The following DLGAP2 variants were observed in gnomAD, a reference collection of about 807,000 sequenced individuals.
DLGAP2 encodes the protein disks large-associated protein 2.
DLGAP2 carries 26 observed loss-of-function variants against 100.3 expected under a neutral mutation model. The ratio of observed to expected loss-of-function variants is 0.26; its 90% CI spans 0.19 to 0.36. The LOEUF (loss-of-function observed/expected upper bound fraction) is 0.36, where lower values mean the gene tolerates loss of function less well. DLGAP2 is among the 10% of genes least tolerant of loss of function. The probability of loss-of-function intolerance (pLI) is 1.00; values close to 1 mark genes in which losing one functional copy is unlikely to be tolerated. For synonymous variants in DLGAP2, 886 were observed against 630.1 expected, an observed-to-expected ratio of 1.41 and a Z score of -6.08; for missense variants, 1,858 against 1,453.2, an observed-to-expected ratio of 1.28 and a Z score of -4.53.
chr8:1,548,863 C>G lies in DLGAP2; in HGVS notation c.410C>G (p.Pro137Arg). The G allele has an allele frequency of 6.3e-7, 1 of 1,586,970 alleles. No individual in the cohort carries two copies. The highest frequency in any genetic ancestry group is 8.5e-7 in the Non-Finnish European group (1 of 1,171,590). Reference protein sequence around the residue: ...SCPGGRHRCSPRSSVHSECVM... With the variant: ...SCPGGRHRCSRRSSVHSECVM... Reference sequence around the variant, plus strand: ...CCCGGGGGGCGCCACCGCTGCTCGCCGCGCAGCTCGGTGCACTCGGAGTGC... The same window carrying G: ...CCCGGGGGGCGCCACCGCTGCTCGCGGCGCAGCTCGGTGCACTCGGAGTGC... The change falls in exon 5 of 15, where the codon CCG (proline) becomes CGG (arginine). Residue 137 changes from proline (P) to arginine (R), a missense_variant. By Grantham distance (103) the Pro-to-Arg change is moderately radical. Coordinates refer to ENST00000637795, the MANE Select transcript of DLGAP2 (RefSeq NM_001346810.2).
chr8:1,613,788 G>C (rs1343378948), intron 6 of DLGAP2, among the ~76,000 whole-genome samples: 1 of 152,116 alleles, frequency 6.6e-6, no homozygotes, highest in Non-Finnish European at 1.5e-5. Context: ...CTGAATTCAT[G>C]TCCACCCTGC....
intron 1 of DLGAP2, among the ~76,000 whole-genome samples, chr8:787,099 C>T (rs182784527): frequency 6.6e-6 from 1 of 152,166 alleles, no homozygotes; most frequent in African/African-American, 2.4e-5. Flanking sequence ...GGTAAACTGA[C>T]GATGCTTTAT....
At chr8:1,550,336 G>A (rs1189883426) in intron 5 of DLGAP2, among the ~76,000 whole-genome samples, 1 of 152,156 alleles carries the variant, frequency 6.6e-6, no homozygotes, top group African/African-American at 2.4e-5. Context: ...GTTATCTACG[G>A]GCAGCTCTCA....
intron 3 of DLGAP2, among the ~76,000 whole-genome samples, chr8:1,491,082 A>AAAAAAAAAC (rs1799368303): frequency 6.8e-6 from 1 of 147,214 alleles, no homozygotes; most frequent in South Asian, 2.1e-4. Flanking sequence ...GAAACCAAAA[A>AAAAAAAAAC]AAAAAAAAAA....
At chr8:1,410,336 G>T (rs1434724200) in intron 3 of DLGAP2, among the ~76,000 whole-genome samples, 1 of 152,146 alleles carries the variant, frequency 6.6e-6, no homozygotes, top group Non-Finnish European at 1.5e-5. Flanking sequence ...GCGGCACCGT[G>T]GCCCAGGCAG....
At chr8:1,209,990 C>T (rs1026935533) in intron 2 of DLGAP2, among the ~76,000 whole-genome samples, 12 of 152,228 alleles carry the variant, frequency 7.9e-5, no homozygotes, top group South Asian at 6.2e-4. Context: ...TTGCCAGTTT[C>T]ATAATCTCCA....
chr8:980,323 G>A (rs1447562562), intron 2 of DLGAP2, among the ~76,000 whole-genome samples: 1 of 152,230 alleles, frequency 6.6e-6, no homozygotes, highest in African/African-American at 2.4e-5. Context: ...ACCTGGGAAA[G>A]ACATGCTTTG....
intron 8 of DLGAP2, among the ~76,000 whole-genome samples, chr8:1,635,662 ATTACT>A (rs1229125450): frequency 2.0e-5 from 3 of 152,326 alleles, no homozygotes; most frequent in African/African-American, 7.2e-5. Context: ...ATTTAAACAC[ATTACT>A]TTATGCAGGC....
intron 2 of DLGAP2, among the ~76,000 whole-genome samples, chr8:1,191,238 C>T (rs574257984): frequency 3.6e-3 from 202 of 56,872 alleles, no homozygotes; most frequent in African/African-American, 9.0e-3. Context: ...GTGGCGCGAT[C>T]TCGGCTCACT....
intron 3 of DLGAP2, among the ~76,000 whole-genome samples, chr8:1,472,160 G>A (rs1320275127): frequency 6.6e-6 from 1 of 152,182 alleles, no homozygotes; most frequent in African/African-American, 2.4e-5. Flanking sequence ...GAGCTCAGAC[G>A]GGGCCGCACT....
At chr8:1,456,134 A>T (rs777930009) in intron 3 of DLGAP2, among the ~76,000 whole-genome samples, 1 of 152,128 alleles carries the variant, frequency 6.6e-6, no homozygotes, top group African/African-American at 2.4e-5. Flanking sequence ...TGAACTCAGG[A>T]GTGAGTTCAT....
intron 2 of DLGAP2, among the ~76,000 whole-genome samples, chr8:1,192,927 G>A (rs188760015): frequency 4.6e-5 from 7 of 151,912 alleles, no homozygotes; most frequent in Non-Finnish European, 1.0e-4. Flanking sequence ...GCGGTGTTTG[G>A]TTTTTTGTCC....
chr8:1,417,544 G>A (rs1796937407), intron 3 of DLGAP2, among the ~76,000 whole-genome samples: 2 of 152,182 alleles, frequency 1.3e-5, no homozygotes, highest in South Asian at 4.1e-4. Context: ...AATGCAATGG[G>A]GATCCGAAGC....
intron 3 of DLGAP2, among the ~76,000 whole-genome samples, chr8:1,469,435 GC>G (rs1798718104): frequency 6.6e-6 from 1 of 152,226 alleles, no homozygotes; most frequent in Non-Finnish European, 1.5e-5. Context: ...ACCAAGGGCA[GC>G]AAACTGCAGT....
chr8:1,227,629 G>A (rs1798449610), intron 2 of DLGAP2, among the ~76,000 whole-genome samples: 1 of 152,092 alleles, frequency 6.6e-6, no homozygotes, highest in Admixed American at 6.5e-5. Context: ...TGACAATGCG[G>A]ATGGACCTGG....
intron 4 of DLGAP2, among the ~76,000 whole-genome samples, chr8:1,548,341 C>G (rs71499011): frequency 2.0e-5 from 3 of 148,344 alleles, no homozygotes; most frequent in Admixed American, 2.0e-4. Flanking sequence ...CGCCTGTAGT[C>G]CCAGCTACTC....
At position 1,040,667 on chromosome 8, in the gene DLGAP2, T is replaced by C. The variant is rs1011750461; in HGVS notation, c.73+132701T>C. On this transcript the variant is annotated intron_variant, in intron 2 of 14. Transcript: ENST00000637795. ...CTCGGTGTGCGTGGTCGGCTTGGTGTGTGTGGTCGGCTCGGTTTCCGTGGT... is the reference window on the plus strand; with the variant it reads ...CTCGGTGTGCGTGGTCGGCTTGGTGCGTGTGGTCGGCTCGGTTTCCGTGGT... Among the ~76,000 whole-genome samples the C allele has an allele frequency of 8.0e-5, 12 of 150,020 alleles. No homozygotes were observed. The East Asian group carries it at 1.6e-3, about 20-fold the overall frequency.
intron 3 of DLGAP2, among the ~76,000 whole-genome samples, chr8:1,292,646 T>C (rs1313170826): frequency 1.3e-5 from 2 of 152,248 alleles, no homozygotes; most frequent in African/African-American, 2.4e-5. Flanking sequence ...TGTTACCCAA[T>C]GTAACGGCCT....
At chr8:1,236,904 T>TAGTTCTCTCACATGGTGCCGTGTC (rs1798667509) in intron 2 of DLGAP2, among the ~76,000 whole-genome samples, 3 of 113,484 alleles carry the variant, frequency 2.6e-5, no homozygotes, top group Admixed American at 8.5e-5. Context: ...GGCGCCATGT[T>TAGTTCTCTCACATGGTGCCGTGTC]TAGTTCTCTC....
Sources: allele counts gnomAD v4.1 joint callset (sites outside exome capture counted in the v4.1 genomes callset), GRCh38; gene constraint gnomAD v4.1.1; transcripts MANE v1.5; gene names NCBI Gene and HGNC (gene_info 2026-07-23, HGNC 2026-07-21).